GPD1: variants seen among roughly 807,000 people sequenced by gnomAD.
GPD1 encodes glycerol-3-phosphate dehydrogenase [NAD(+)], cytoplasmic.
In GPD1, 19 loss-of-function variants were observed where a neutral mutation model predicts 34.4. The ratio of observed to expected loss-of-function variants is 0.55; its 90% CI spans 0.39 to 0.81. GPD1 has a LOEUF of 0.81. Ranked by LOEUF, GPD1 falls within the 30% of genes least tolerant of loss-of-function variation. GPD1 has a pLI of 0.00. For synonymous variants in GPD1, 172 were observed against 174.1 expected (o/e 0.99, Z 0.09); for missense variants, 429 against 447.0 (o/e 0.96, Z 0.36).
Position 50,107,793 on chromosome 12 carries a change from C to T in GPD1, c.839C>T (p.Thr280Ile), listed in dbSNP as rs746383689. ...AAAGTGGCTGAGGCCTTTGCGCGTACAGGAAAGGTGGGCCCCGGGAGAAGG... is the reference window on the plus strand; with the variant it reads ...AAAGTGGCTGAGGCCTTTGCGCGTATAGGAAAGGTGGGCCCCGGGAGAAGG... ...NRKVAEAFAR[T>I]GKSIEQLEKE... Residue 280 changes from threonine (T) to isoleucine (I), a missense_variant, in exon 6 of 8, where the codon ACA becomes ATA. Thr to Ile is a moderately conservative substitution (Grantham distance 89, BLOSUM62 -1). Transcript: ENST00000301149. 3 of 1,609,168 alleles carry T rather than the reference C, an allele frequency of 1.9e-6. No individual in the cohort carries two copies. In the South Asian group the frequency reaches 3.3e-5, roughly 18 times the overall value.
In GPD1 at chr12:50,109,841, G is replaced by T; in HGVS notation, c.*322G>T. 3.1e-6 allele frequency: 1 copy of T among 322,844 alleles called. No homozygotes were observed. The highest frequency in any genetic ancestry group is 6.0e-6 in the Non-Finnish European group (1 of 167,044). 20.0% of individuals were successfully genotyped at this position (322,844 alleles called of 1,614,324 possible). On this transcript the variant is annotated 3_prime_UTR_variant, in exon 8 of 8. Transcript: ENST00000301149. Reference sequence around the variant, plus strand: ...CTTGGTGGCGGGGGTGATGTATGTGGAGAAGGGTTGGGGGAGAGGCCGGTA... The same window carrying T: ...CTTGGTGGCGGGGGTGATGTATGTGTAGAAGGGTTGGGGGAGAGGCCGGTA...
At chr12:50,105,909 T>C (rs1216639793) in intron 3 of GPD1, 2 of 697,032 alleles carry the variant, frequency 2.9e-6, no homozygotes, top group Non-Finnish European at 5.2e-6. Context: ...TTGGAGGTCC[T>C]CTCGGGGAGT....
At position 50,110,930 on chromosome 12, in the gene GPD1, C is replaced by T. The variant is rs956427939; in HGVS notation, c.*1411C>T. ...CCGGAGGGCCCGAGAGGCTCCCGCC[C>T]GTCCAGCAGGGCTGTCAGCTTCCTG... On this transcript the variant is annotated 3_prime_UTR_variant, in exon 8 of 8. Transcript: ENST00000301149. The T allele has an allele frequency of 1.3e-5, 2 of 152,754 alleles. No individual in the cohort carries two copies. The highest frequency in any genetic ancestry group is 2.9e-5 in the Non-Finnish European group (2 of 68,126). The allele number at this position is 152,754 out of a possible 1,614,324, so 9.5% of individuals were successfully genotyped here.
Position 50,109,436 on chromosome 12 carries a change from A to G in GPD1, c.967A>G (p.Met323Val), listed in dbSNP as rs1951006879. 2 of 1,560,666 alleles carry G rather than the reference A, an allele frequency of 1.3e-6. No homozygotes were observed. Among genetic ancestry groups the G allele is most frequent in the Non-Finnish European group, 1.8e-6 (2 of 1,131,236 alleles). ...TCTCCAATCTAGGTTTCCCTTGTTC[A>G]TGGCTGTGTACAAGGTGTGCTACGA... ...KGLVDKFPLF[M>V]AVYKVCYEGQ... Residue 323 changes from methionine to valine, a missense_variant, in exon 8 of 8, where the codon ATG (methionine) becomes GTG (valine). By Grantham distance (21) the Met-to-Val change is conservative (BLOSUM62 1). Transcript: ENST00000301149.
intron 2 of GPD1, chr12:50,105,283 C>T (rs1950970193): frequency 4.0e-6 from 2 of 506,242 alleles, no homozygotes; most frequent in Non-Finnish European, 7.1e-6. Context: ...CGCACTGTCC[C>T]ACAGCCAAGG....
intron 5 of GPD1, 153 bp from the exon 6 acceptor site, chr12:50,107,414 G>T (rs777798455): frequency 1.2e-5 from 9 of 752,092 alleles, no homozygotes; most frequent in South Asian, 1.1e-4. Context: ...AGCAAGGGGG[G>T]AAACCAAGAG....
Position 50,109,750 on chromosome 12 carries a change from C to A in GPD1, c.*231C>A. ...TGCCAGAAATGCAGTTGCCCTGTCC[C>A]TCTCCAGATGTGGGGCTTTCTCCAT... is the stretch of plus-strand genomic sequence containing the variant. On this transcript the variant is annotated 3_prime_UTR_variant, in exon 8 of 8. Coordinates refer to ENST00000301149, the MANE Select transcript of GPD1 (RefSeq NM_005276.4). 1.9e-6 allele frequency: 1 copy of A among 525,046 alleles called. No homozygotes were observed. 32.5% of individuals were successfully genotyped at this position (525,046 alleles called of 1,614,324 possible).
At chr12:50,109,202 T>C (rs148918740) in intron 7 of GPD1, among the ~76,000 whole-genome samples, 4 of 149,204 alleles carry the variant, frequency 2.7e-5, no homozygotes, top group African/African-American at 9.9e-5. Flanking sequence ...CAGAGAATCA[T>C]GCAGGCCAGT....
chr12:50,106,109 G>A (rs1216326768), intron 3 of GPD1, 179 bp from the exon 4 acceptor site: 2 of 626,300 alleles, frequency 3.2e-6, no homozygotes. Flanking sequence ...GTATGTGGCA[G>A]GACAGTTGGT....
At position 50,104,599 on chromosome 12, in the gene GPD1, G is replaced by C; in HGVS notation, c.67G>C (p.Gly23Arg). 6.2e-7 allele frequency: 1 copy of C among 1,613,810 alleles called. No individual in the cohort carries two copies. The change falls in exon 2 of 8, where the codon GGT becomes CGT. Residue 23 changes from glycine to arginine, a missense_variant. Gly to Arg is a moderately radical substitution (Grantham distance 125). Transcript: ENST00000301149. Reference protein sequence around the residue: ...NWGSAIAKIVGGNAAQLAQFD... With the variant: ...NWGSAIAKIVRGNAAQLAQFD... Reference sequence around the variant, plus strand: ...GGGCTCAGCCATCGCCAAGATCGTGGGTGGCAATGCAGCCCAGCTGGCACA... The same window carrying C: ...GGGCTCAGCCATCGCCAAGATCGTGCGTGGCAATGCAGCCCAGCTGGCACA...
intron 1 of GPD1, 171 bp downstream of exon 1, chr12:50,104,262 C>A: frequency 1.4e-6 from 1 of 726,702 alleles, no homozygotes; most frequent in Non-Finnish European, 2.4e-6. Flanking sequence ...GACCCCCGCC[C>A]TCCTGGGCAG....
rs376155208 is a variant in GPD1, at chr12:50,107,579, G to T, written c.625G>T (p.Val209Leu). The T allele has an allele frequency of 6.2e-7, 1 of 1,613,862 alleles. No homozygotes were observed. The highest frequency in any genetic ancestry group is 1.1e-5 in the South Asian group (1 of 91,080). The change falls in exon 6 of 8, where the codon GTG (valine) becomes TTG (leucine). Residue 209 changes from valine (V) to leucine (L), a missense_variant. Val to Leu is a conservative substitution (Grantham distance 32, BLOSUM62 1). Transcript: ENST00000301149. ...ICGALKNVVAVGAGFCDGLGF... is the reference protein window; with the variant it reads ...ICGALKNVVALGAGFCDGLGF... ...CCACTCCTTCAAGAATGTAGTGGCCGTGGGGGCTGGCTTCTGTGATGGCCT... is the reference window on the plus strand; with the variant it reads ...CCACTCCTTCAAGAATGTAGTGGCCTTGGGGGCTGGCTTCTGTGATGGCCT...
chr12:50,108,744 T>G (rs1487948788), intron 7 of GPD1, among the ~76,000 whole-genome samples: 1 of 152,210 alleles, frequency 6.6e-6, no homozygotes, highest in African/African-American at 2.4e-5. Context: ...ATTAAGCACT[T>G]TCACATCATA....
Position 50,105,667 on chromosome 12 carries a change from C to T in GPD1, c.339C>T (p.Ala113=), listed in dbSNP as rs571123918. ...TCAAGGGCCATCTGAAGGCAAACGCCACTGGCATATCTCTTATTAAGGTGC... is the reference window on the plus strand; with the variant it reads ...TCAAGGGCCATCTGAAGGCAAACGCTACTGGCATATCTCTTATTAAGGTGC... ...DQLKGHLKAN[A]TGISLIKGVD... Residue 113 remains alanine, a synonymous_variant, in exon 3 of 8, where the codon GCC becomes GCT. Transcript: ENST00000301149. 54 of 1,614,180 alleles carry T rather than the reference C, an allele frequency of 3.3e-5. No individual in the cohort carries two copies. In the South Asian group the frequency reaches 5.3e-4, roughly 16 times the overall value.
intron 5 of GPD1, 73 bp downstream of exon 5, chr12:50,106,990 C>T (rs763053513): frequency 2.3e-6 from 2 of 861,588 alleles, no homozygotes; most frequent in South Asian, 1.4e-5. Flanking sequence ...CTCTGCAAGG[C>T]TGCAGGTACT....
intron 7 of GPD1, among the ~76,000 whole-genome samples, chr12:50,109,114 G>A (rs529703864): frequency 4.7e-4 from 62 of 132,150 alleles, no homozygotes; most frequent in African/African-American, 1.3e-3. Flanking sequence ...CAGCCTAGGC[G>A]ACAGAGCGAG....
chr12:50,109,774 A>G lies in GPD1; in HGVS notation c.*255A>G. Reference sequence around the variant, plus strand: ...CCTCTCCAGATGTGGGGCTTTCTCCATATCCTCTGGGAGGGGTGGAATCAA... The same window carrying G: ...CCTCTCCAGATGTGGGGCTTTCTCCGTATCCTCTGGGAGGGGTGGAATCAA... On this transcript the variant is annotated 3_prime_UTR_variant, in exon 8 of 8. Transcript: ENST00000301149. The G allele has an allele frequency of 2.1e-6, 1 of 470,994 alleles. No individual in the cohort carries two copies. The highest frequency in any genetic ancestry group is 3.9e-6 in the Non-Finnish European group (1 of 255,654). 29.2% of individuals were successfully genotyped at this position (470,994 alleles called of 1,614,324 possible).
intron 3 of GPD1, 164 bp downstream of exon 3, chr12:50,105,852 G>A (rs1411382769): frequency 1.3e-6 from 1 of 756,954 alleles, no homozygotes; most frequent in Non-Finnish European, 2.3e-6. Flanking sequence ...GCAGTGAGGT[G>A]CTGGGGGTCA....
At chr12:50,108,530 GAAGGATGGGCTTC>G (rs1270261647) in intron 7 of GPD1, among the ~76,000 whole-genome samples, 1 of 152,162 alleles carries the variant, frequency 6.6e-6, no homozygotes, top group Non-Finnish European at 1.5e-5. Flanking sequence ...GGTGTAAGGA[GAAGGATGGGCTTC>G]AAGGTGCTCG....
Sources: allele counts gnomAD v4.1 joint callset (sites outside exome capture counted in the v4.1 genomes callset), GRCh38; gene constraint gnomAD v4.1.1; transcripts MANE v1.5; gene names NCBI Gene and HGNC (gene_info 2026-07-23, HGNC 2026-07-21).